PCDH15: variants seen among roughly 807,000 people sequenced by gnomAD.
PCDH15 encodes protocadherin related 15.
PCDH15 carries 129 observed loss-of-function variants against 178.5 expected under a neutral mutation model. The ratio of observed to expected loss-of-function variants is 0.72; its 90% confidence interval spans 0.63 to 0.84. PCDH15 has a LOEUF of 0.84. Among genes scored for constraint, PCDH15 ranks in the 40% least tolerant of loss-of-function variants. The pLI is 0.00. For missense variants in PCDH15, 2,230 were observed against 2,099.9 expected (o/e 1.06, Z -1.21); for synonymous variants, 800 against 732.0 (o/e 1.09, Z -1.50).
At chr10:55,613,538 G>A (rs1016493615) in intron 2 of PCDH15, among the ~76,000 whole-genome samples, 1 of 152,006 alleles carries the variant, frequency 6.6e-6, no homozygotes, top group Non-Finnish European at 1.5e-5. Context: ...AAAGGACACC[G>A]GGAAAACAAA....
chr10:54,796,227 T>TATCC (rs1951947887), intron 1 of PCDH15, among the ~76,000 whole-genome samples: 2 of 43,308 alleles, frequency 4.6e-5, no homozygotes, highest in African/African-American at 2.4e-4. Context: ...CTACATTATC[T>TATCC]ATCTATCTAT....
chr10:54,961,112 C>T (rs1838641930), intron 2 of PCDH15, among the ~76,000 whole-genome samples: 1 of 152,234 alleles, frequency 6.6e-6, no homozygotes, highest in African/African-American at 2.4e-5. Flanking sequence ...GCAGCCACTA[C>T]AGTGATGCCA....
intron 25 of PCDH15, among the ~76,000 whole-genome samples, chr10:53,907,680 C>T (rs1361866753): frequency 6.6e-6 from 1 of 152,020 alleles, no homozygotes; most frequent in East Asian, 1.9e-4. Flanking sequence ...AAAAATGACT[C>T]CTGAGGTAAG....
chr10:54,775,611 A>G lies in PCDH15; in HGVS notation c.-29+25314T>C, dbSNP rs367644553. 4.4e-4 allele frequency among the ~76,000 whole-genome samples: 67 copies of G among 152,312 alleles called. 3 individuals are homozygous for G. In the South Asian group the frequency reaches 0.013, roughly 31 times the overall value. ...TGTAATTTTGTGTTCCTTAACAAAT[A>G]TCTCGGCCGGGCGCGGTGGCTCACG... On this transcript the variant is annotated intron_variant, in intron 1 of 37. Coordinates refer to ENST00000644397, the MANE Select transcript of PCDH15 (RefSeq NM_001384140.1).
chr10:54,172,108 T>G (rs1022487625), intron 13 of PCDH15, among the ~76,000 whole-genome samples: 1 of 152,094 alleles, frequency 6.6e-6, no homozygotes. Context: ...TGACTTGCAC[T>G]TATACGCCCA....
intron 2 of PCDH15, among the ~76,000 whole-genome samples, chr10:55,472,520 G>C (rs369839025): frequency 2.2e-5 from 3 of 136,654 alleles, no homozygotes; most frequent in African/African-American, 8.2e-5. Context: ...TCTAATAATA[G>C]GTAGAATCCA....
intron 32 of PCDH15, chr10:53,825,160 G>GAAAC (rs773302136): frequency 2.6e-6 from 4 of 1,532,006 alleles, no homozygotes; most frequent in African/African-American, 1.4e-5. Flanking sequence ...CCACAGGTGA[G>GAAAC]AAACAGAAAA....
intron 1 of PCDH15, among the ~76,000 whole-genome samples, chr10:55,236,930 A>C (rs11004783): frequency 6.6e-6 from 1 of 151,460 alleles, no homozygotes. Flanking sequence ...CTTGGTAGAA[A>C]TGTAATATAG....
At chr10:55,319,408 T>C (rs1043657197) in intron 1 of PCDH15, among the ~76,000 whole-genome samples, 1 of 151,794 alleles carries the variant, frequency 6.6e-6, no homozygotes, top group Admixed American at 6.6e-5. Flanking sequence ...ATATAAAACA[T>C]ATAGAAATTT....
chr10:54,970,965 G>A (rs980994254), intron 2 of PCDH15, among the ~76,000 whole-genome samples: 1 of 152,092 alleles, frequency 6.6e-6, no homozygotes, highest in African/African-American at 2.4e-5. Flanking sequence ...GATTTCACAG[G>A]TTCACAGCAG....
rs1565288135 is a variant in PCDH15, at chr10:54,442,445, TATATATATATATATAC to T, written c.158-63519_158-63504del. 1.6e-3 allele frequency among the ~76,000 whole-genome samples: 201 copies of T among 121,976 alleles called. 7 individuals are homozygous for T. Among genetic ancestry groups the T allele is most frequent in the African/African-American group, 6.7e-3 (192 of 28,538 alleles). 80.0% of individuals were successfully genotyped at this position (121,976 alleles called of 152,430 possible). ...ATATATATATATATATATATATATA[TATATATATATATATAC>T]AGTCTTTTTTATTATAATAAATACT... is the stretch of plus-strand genomic sequence containing the variant. On this transcript the variant is annotated intron_variant, in intron 3 of 37. Coordinates refer to ENST00000644397, the MANE Select transcript of PCDH15 (RefSeq NM_001384140.1).
At chr10:55,463,680 A>G (rs1199004056) in intron 2 of PCDH15, among the ~76,000 whole-genome samples, 1 of 151,896 alleles carries the variant, frequency 6.6e-6, no homozygotes, top group Non-Finnish European at 1.5e-5. Context: ...TACTAAATGT[A>G]TTGTACTTAC....
intron 3 of PCDH15, among the ~76,000 whole-genome samples, chr10:54,882,574 T>C (rs1017829471): frequency 1.3e-5 from 2 of 152,114 alleles, no homozygotes; most frequent in African/African-American, 4.8e-5. Flanking sequence ...ATCTATTAAA[T>C]GAGGAATCTC....
intron 2 of PCDH15, among the ~76,000 whole-genome samples, chr10:55,128,316 C>T (rs1399285888): frequency 6.6e-6 from 1 of 151,630 alleles, no homozygotes; most frequent in Admixed American, 6.6e-5. Flanking sequence ...ATTACAGACT[C>T]AATGCTTATG....
intron 32 of PCDH15, chr10:53,821,584 C>T (rs571593085): frequency 4.3e-6 from 5 of 1,150,932 alleles, no homozygotes; most frequent in Non-Finnish European, 5.4e-6. Flanking sequence ...CCACATATTC[C>T]CACTAAAAAA....
rs1565084292 is a variant in PCDH15, at chr10:55,385,718, TGCATATATATATACACGTATATAG to T, written c.-155-219091_-155-219068del. Among the ~76,000 whole-genome samples, 233 of 140,796 alleles carry T rather than the reference TGCATATATATATACACGTATATAG, an allele frequency of 1.7e-3. 1 individual carries two copies. The highest frequency in any genetic ancestry group is 5.5e-3 in the African/African-American group (214 of 38,952). 92.4% of individuals were successfully genotyped at this position (140,796 alleles called of 152,430 possible). ...CTATATATATATATATATATATATA[TGCATATATATATACACGTATATAG>T]ATATGCATATATATGTATAGATATA... is the stretch of plus-strand genomic sequence containing the variant. On this transcript the variant is annotated intron_variant, in intron 2 of 5. Coordinates refer to the PCDH15 transcript ENST00000613346.
chr10:55,460,996 G>C (rs912083138), intron 2 of PCDH15, among the ~76,000 whole-genome samples: 1 of 152,110 alleles, frequency 6.6e-6, no homozygotes, highest in Admixed American at 6.6e-5. Context: ...CAAACCACCT[G>C]AATCTGAAGG....
chr10:55,247,289 G>A (rs1214535464), intron 1 of PCDH15, among the ~76,000 whole-genome samples: 1 of 152,128 alleles, frequency 6.6e-6, no homozygotes, highest in Non-Finnish European at 1.5e-5. Flanking sequence ...TAAAACTGGT[G>A]TAGAAATCCT....
chr10:54,129,030 T>C (rs973142601), intron 15 of PCDH15, among the ~76,000 whole-genome samples: 3 of 152,210 alleles, frequency 2.0e-5, no homozygotes, highest in African/African-American at 7.2e-5. Context: ...GATAGAGCAC[T>C]GATTTATTAA....
Sources: gnomAD v4.1 joint callset for allele counts (sites outside exome capture counted in the v4.1 genomes callset) on GRCh38, gnomAD v4.1.1 for gene constraint, MANE v1.5 for transcripts, NCBI Gene and HGNC (gene_info 2026-07-23, HGNC 2026-07-21) for gene names.